Variants in EML6 observed in about 807,000 individuals in gnomAD.
EML6 encodes the protein echinoderm microtubule-associated protein-like 6.
In EML6, 154 loss-of-function variants were observed where a neutral mutation model predicts 240.1. That is an observed-to-expected ratio of 0.64 (90% CI 0.56 to 0.73). The LOEUF (loss-of-function observed/expected upper bound fraction) is 0.73, where lower values mean the gene tolerates loss of function less well. EML6 is among the 30% of genes least tolerant of loss of function. EML6 has a pLI of 0.00. For synonymous variants in EML6, 1,148 were observed against 899.0 expected, an observed-to-expected ratio of 1.28 and a Z score of -4.95; for missense variants, 2,964 against 2,474.6, an observed-to-expected ratio of 1.20 and a Z score of -4.20.
At chr2:54,927,164 C>T (rs1310277212) in intron 26 of EML6, among the ~76,000 whole-genome samples, 5 of 152,216 alleles carry the variant, frequency 3.3e-5, no homozygotes, top group Admixed American at 3.3e-4. Context: ...GGAAATCCTA[C>T]CTGCCTGTTT....
At chr2:54,806,325 G>C (rs927708674) in intron 2 of EML6, among the ~76,000 whole-genome samples, 3 of 151,986 alleles carry the variant, frequency 2.0e-5, no homozygotes, top group South Asian at 2.1e-4. Context: ...TAGAATGTCT[G>C]TTCCTGGCCG....
intron 2 of EML6, among the ~76,000 whole-genome samples, chr2:54,794,592 C>T (rs367813442): frequency 2.6e-5 from 4 of 152,050 alleles, no homozygotes; most frequent in African/African-American, 9.7e-5. Context: ...ATCCTGTCTG[C>T]CTAATGTTTT....
intron 2 of EML6, among the ~76,000 whole-genome samples, chr2:54,803,464 GACCCTC>G (rs1670290545): frequency 2.0e-5 from 3 of 152,104 alleles, no homozygotes; most frequent in Admixed American, 6.5e-5. Context: ...AGCCACCCTA[GACCCTC>G]CTCTAGCAGC....
chr2:54,821,267 C>G (rs766720892), intron 5 of EML6, among the ~76,000 whole-genome samples: 1 of 152,128 alleles, frequency 6.6e-6, no homozygotes, highest in Non-Finnish European at 1.5e-5. Flanking sequence ...TCTAGTTTTT[C>G]ACGATCCTTC....
intron 28 of EML6, among the ~76,000 whole-genome samples, chr2:54,938,251 G>C (rs7590130): frequency 0.32 from 48,680 of 152,010 alleles, 8,121 homozygotes; most frequent in African/African-American, 0.34. Flanking sequence ...GAGGCTGAGG[G>C]AGGAGAATTA....
At chr2:54,860,993 G>C (rs746583755) in intron 12 of EML6, among the ~76,000 whole-genome samples, 9 of 152,308 alleles carry the variant, frequency 5.9e-5, no homozygotes, top group Non-Finnish European at 1.5e-5. Context: ...ACTTACAGGA[G>C]TGACATCCCC....
intron 28 of EML6, among the ~76,000 whole-genome samples, chr2:54,930,790 G>A (rs1674814116): frequency 6.6e-6 from 1 of 151,976 alleles, no homozygotes. Flanking sequence ...AGCAGAGTGG[G>A]GCCCTGCCAG....
chr2:54,764,408 C>T (rs1279364307), intron 2 of EML6, among the ~76,000 whole-genome samples: 1 of 152,114 alleles, frequency 6.6e-6, no homozygotes, highest in Non-Finnish European at 1.5e-5. Flanking sequence ...CATCTGATCC[C>T]CCCAAAGCAA....
At chr2:54,909,894 G>T (rs1673549305) in intron 24 of EML6, among the ~76,000 whole-genome samples, 1 of 145,886 alleles carries the variant, frequency 6.9e-6, no homozygotes, top group African/African-American at 2.5e-5. Context: ...CTAGATTTCA[G>T]ATCAAGGTGG....
intron 25 of EML6, 143 bp downstream of exon 25, chr2:54,911,185 T>C: frequency 1.9e-6 from 1 of 516,450 alleles, no homozygotes; most frequent in Non-Finnish European, 3.6e-6. Flanking sequence ...TCTGATTGCT[T>C]AATCTGGTTT....
intron 32 of EML6, among the ~76,000 whole-genome samples, chr2:54,955,637 A>C (rs1676196973): frequency 6.6e-6 from 1 of 151,998 alleles, no homozygotes; most frequent in Non-Finnish European, 1.5e-5. Flanking sequence ...CACTCCCTCT[A>C]CCTGTCCTCC....
At chr2:54,884,178 C>G (rs1027219309) in intron 17 of EML6, among the ~76,000 whole-genome samples, 1 of 152,090 alleles carries the variant, frequency 6.6e-6, no homozygotes, top group African/African-American at 2.4e-5. Flanking sequence ...GATTAATTTG[C>G]TGGAGTTGCT....
intron 2 of EML6, among the ~76,000 whole-genome samples, chr2:54,787,336 T>C (rs1669146323): frequency 6.6e-6 from 1 of 152,066 alleles, no homozygotes; most frequent in African/African-American, 2.4e-5. Context: ...CAGTTTTTAA[T>C]GAGAATTTCA....
At chr2:54,875,438 G>A (rs546632707) in intron 16 of EML6, among the ~76,000 whole-genome samples, 3 of 152,294 alleles carry the variant, frequency 2.0e-5, no homozygotes, top group Admixed American at 2.0e-4. Context: ...GACTCCTGTC[G>A]CTGCCCATCT....
intron 28 of EML6, among the ~76,000 whole-genome samples, chr2:54,947,500 A>G (rs1350660196): frequency 6.6e-6 from 1 of 152,172 alleles, no homozygotes; most frequent in Non-Finnish European, 1.5e-5. Flanking sequence ...CCCTGCACAC[A>G]AAAAGAACCC....
chr2:54,910,446 T>G (rs1419460772), intron 24 of EML6, among the ~76,000 whole-genome samples: 1 of 150,944 alleles, frequency 6.6e-6, no homozygotes, highest in Non-Finnish European at 1.5e-5. Flanking sequence ...GACCAGAGGG[T>G]GGGGAAGGAA....
intron 7 of EML6, among the ~76,000 whole-genome samples, chr2:54,840,185 G>A (rs1206966961): frequency 2.6e-5 from 4 of 152,178 alleles, no homozygotes; most frequent in Admixed American, 2.6e-4. Context: ...CAAGTCATTT[G>A]GCCTTGAGAG....
Position 54,891,187 on chromosome 2 carries a change from T to G in EML6, c.2539+33T>G, listed in dbSNP as rs1357646068. ...CGTTTGGGTTTATCATTTATGTGATTGAGAGCTTTACCCTAGCTGGAAAGA... is the reference window on the plus strand; with the variant it reads ...CGTTTGGGTTTATCATTTATGTGATGGAGAGCTTTACCCTAGCTGGAAAGA... On this transcript the variant is annotated intron_variant, in intron 18 of 41. Transcript: ENST00000356458. 5 of 1,109,366 alleles carry G rather than the reference T, an allele frequency of 4.5e-6. No individual in the cohort carries two copies. The East Asian group carries it at 1.3e-4, about 29-fold the overall frequency. 68.7% of individuals were successfully genotyped at this position (1,109,366 alleles called of 1,614,324 possible).
chr2:54,902,505 T>C (rs973223137), intron 22 of EML6, among the ~76,000 whole-genome samples: 1 of 152,204 alleles, frequency 6.6e-6, no homozygotes, highest in Non-Finnish European at 1.5e-5. Flanking sequence ...GCTCAAGTGA[T>C]CCTTCCACCT....
Sources: allele counts gnomAD v4.1 joint callset (sites outside exome capture counted in the v4.1 genomes callset), GRCh38; gene constraint gnomAD v4.1.1; transcripts MANE v1.5; gene names NCBI Gene and HGNC (gene_info 2026-07-23, HGNC 2026-07-21).